The following GRID2 variants were observed in gnomAD, a reference collection of about 807,000 sequenced individuals.
The protein encoded by GRID2 is glutamate receptor ionotropic, delta-2.
A neutral mutation model predicts 114.8 loss-of-function variants in GRID2; 33 were observed. The ratio of observed to expected loss-of-function variants is 0.29; its 90% CI spans 0.22 to 0.38. GRID2 has a LOEUF of 0.38. Among genes scored for constraint, GRID2 ranks in the 10% least tolerant of loss-of-function variants. GRID2 has a pLI of 1.00. For missense variants in GRID2, 1,184 were observed against 1,257.7 expected, an observed-to-expected ratio of 0.94 and a Z score of 0.89; for synonymous variants, 505 against 449.9, an observed-to-expected ratio of 1.12 and a Z score of -1.55.
chr4:93,615,058 G>A lies in GRID2; in HGVS notation c.2194-11211G>A, dbSNP rs527654452. ...GCTGCTCTTATCAAGCCTGCATTAC[G>A]TTGATTCTGGTGTCATTCCAATGTG... is the stretch of plus-strand genomic sequence containing the variant. On this transcript the variant is annotated intron_variant, in intron 13 of 15. Transcript: ENST00000282020. 2.6e-5 allele frequency among the ~76,000 whole-genome samples: 4 copies of A among 152,236 alleles called. No homozygotes were observed. The South Asian group carries it at 8.3e-4, about 32-fold the overall frequency.
rs998663617 is a variant in GRID2 at position 93,290,795 on chromosome 4, A to T, written c.1245+52305A>T. Among the ~76,000 whole-genome samples, 7 of 151,280 alleles carry T rather than the reference A, an allele frequency of 4.6e-5. No homozygotes were observed. The East Asian group carries it at 9.7e-4, about 21-fold the overall frequency. On this transcript the variant is annotated intron_variant, in intron 8 of 15. Coordinates refer to ENST00000282020, the MANE Select transcript of GRID2 (RefSeq NM_001510.4). Reference sequence around the variant, plus strand: ...TTCAAATAATATTCTGTGTTTTGCAATTCTGAATACTCTGAACACAGGGTA... The same window carrying T: ...TTCAAATAATATTCTGTGTTTTGCATTTCTGAATACTCTGAACACAGGGTA...
chr4:92,425,359 A>T (rs1732106938), intron 1 of GRID2, among the ~76,000 whole-genome samples: 2 of 152,048 alleles, frequency 1.3e-5, no homozygotes, highest in Non-Finnish European at 2.9e-5. Context: ...ACTGCCAAAA[A>T]ATGTCAAACA....
intron 2 of GRID2, among the ~76,000 whole-genome samples, chr4:92,910,295 C>A (rs1748276182): frequency 6.6e-6 from 1 of 152,052 alleles, no homozygotes; most frequent in South Asian, 2.1e-4. Context: ...GCACCACTTC[C>A]AGCCCAATCC....
chr4:93,004,206 A>G (rs1560786793), intron 2 of GRID2, among the ~76,000 whole-genome samples: 2 of 151,948 alleles, frequency 1.3e-5, no homozygotes, highest in Admixed American at 6.6e-5. Flanking sequence ...TTCTTTCCAC[A>G]GTGACCAAAA....
At chr4:93,645,673 T>C (rs1722043251) in intron 14 of GRID2, among the ~76,000 whole-genome samples, 1 of 152,168 alleles carries the variant, frequency 6.6e-6, no homozygotes, top group South Asian at 2.1e-4. Context: ...TCACATCTAA[T>C]ACATTTTGTG....
chr4:92,932,500 A>G (rs75101801), intron 2 of GRID2, among the ~76,000 whole-genome samples: 2,244 of 151,424 alleles, frequency 0.015, 20 homozygotes, highest in East Asian at 0.054. Flanking sequence ...TAGTACAACA[A>G]TTTTAGAGAA....
intron 4 of GRID2, among the ~76,000 whole-genome samples, chr4:93,140,160 C>CTTTTTTTTTTTTTTT (rs10684978): frequency 7.8e-6 from 1 of 128,266 alleles, no homozygotes; most frequent in African/African-American, 3.0e-5. Flanking sequence ...CTTTTCTTTT[C>CTTTTTTTTTTTTTTT]TTTTTTTTTT....
intron 2 of GRID2, among the ~76,000 whole-genome samples, chr4:92,795,719 T>A (rs1739830973): frequency 6.6e-6 from 1 of 152,054 alleles, no homozygotes; most frequent in Admixed American, 6.6e-5. Flanking sequence ...AATTGGAACC[T>A]TCTGTCAGAT....
intron 3 of GRID2, among the ~76,000 whole-genome samples, chr4:93,094,521 C>T (rs1169739087): frequency 6.6e-6 from 1 of 151,872 alleles, no homozygotes; most frequent in Non-Finnish European, 1.5e-5. Context: ...ACCAGAATAA[C>T]TCTTCATTGA....
intron 1 of GRID2, among the ~76,000 whole-genome samples, chr4:92,469,908 C>T (rs1301558180): frequency 6.6e-6 from 1 of 151,656 alleles, no homozygotes; most frequent in Non-Finnish European, 1.5e-5. Flanking sequence ...AATAGTAAAG[C>T]TGCAAATTAG....
rs918353324 is a variant in GRID2 at position 93,465,336 on chromosome 4, G to T, written c.1858+9362G>T. 2.6e-5 allele frequency among the ~76,000 whole-genome samples: 4 copies of T among 151,708 alleles called. No homozygotes were observed. In the East Asian group the frequency reaches 7.7e-4, roughly 29 times the overall value. On this transcript the variant is annotated intron_variant, in intron 11 of 15. Transcript: ENST00000282020. ...TGATCTTTGCTTCAATAGAGTGTCA[G>T]ATTATTTAAAATTTTCTTTTATCTA...
intron 14 of GRID2, among the ~76,000 whole-genome samples, chr4:93,734,407 G>A (rs1730750537): frequency 6.6e-6 from 1 of 151,876 alleles, no homozygotes; most frequent in South Asian, 2.1e-4. Flanking sequence ...AAAACAAGTT[G>A]AACTGTTGAC....
intron 1 of GRID2, among the ~76,000 whole-genome samples, chr4:92,397,121 T>C (rs1241041104): frequency 1.3e-5 from 2 of 152,106 alleles, no homozygotes; most frequent in East Asian, 3.8e-4. Flanking sequence ...CTTGAAATTC[T>C]TTAAAATAAT....
intron 10 of GRID2, among the ~76,000 whole-genome samples, chr4:93,428,090 T>C (rs1037112911): frequency 1.3e-5 from 2 of 152,114 alleles, no homozygotes; most frequent in Admixed American, 1.3e-4. Flanking sequence ...TGTTTGATGA[T>C]ATAGTTTCTT....
intron 3 of GRID2, among the ~76,000 whole-genome samples, chr4:93,099,840 T>A (rs1232597387): frequency 6.6e-6 from 1 of 151,936 alleles, no homozygotes; most frequent in Non-Finnish European, 1.5e-5. Flanking sequence ...AGAATCACAA[T>A]GTTTATTCTG....
At chr4:93,730,991 C>T (rs557553192) in intron 14 of GRID2, among the ~76,000 whole-genome samples, 3 of 152,196 alleles carry the variant, frequency 2.0e-5, no homozygotes, top group Admixed American at 1.3e-4. Context: ...GCAGTTTCCC[C>T]GTGACACCTG....
chr4:92,987,896 T>C (rs945843313), intron 2 of GRID2, among the ~76,000 whole-genome samples: 2 of 152,162 alleles, frequency 1.3e-5, no homozygotes, highest in Non-Finnish European at 2.9e-5. Context: ...TAATATCACA[T>C]AGATGTTATG....
intron 2 of GRID2, among the ~76,000 whole-genome samples, chr4:93,073,553 G>A (rs1728997707): frequency 6.6e-6 from 1 of 152,126 alleles, no homozygotes; most frequent in African/African-American, 2.4e-5. Context: ...ATTTTTTACT[G>A]TGGGGGTTGA....
At chr4:93,135,472 T>C (rs1469908717) in intron 4 of GRID2, among the ~76,000 whole-genome samples, 2 of 152,194 alleles carry the variant, frequency 1.3e-5, no homozygotes, top group African/African-American at 4.8e-5. Context: ...TAATACTTTT[T>C]CACTTTTTAA....
Sources: allele counts gnomAD v4.1 joint callset (sites outside exome capture counted in the v4.1 genomes callset), GRCh38; gene constraint gnomAD v4.1.1; transcripts MANE v1.5; gene names NCBI Gene and HGNC (gene_info 2026-07-23, HGNC 2026-07-21).